INO80: variants seen among roughly 807,000 people sequenced by gnomAD.
The protein encoded by INO80 is chromatin-remodeling ATPase INO80.
A neutral mutation model predicts 203.4 loss-of-function variants in INO80; 20 were observed. The ratio of observed to expected loss-of-function variants is 0.10; its 90% confidence interval spans 0.07 to 0.14. The LOEUF (loss-of-function observed/expected upper bound fraction) is 0.14, where lower values mean the gene tolerates loss of function less well. Among genes scored for constraint, INO80 ranks in the 10% least tolerant of loss-of-function variants. The pLI, the probability that INO80 is intolerant of heterozygous loss-of-function variation, is 1.00. For synonymous variants in INO80, 726 were observed against 685.2 expected (o/e 1.06, Z -0.93); for missense variants, 1,419 against 1,914.4 (o/e 0.74, Z 4.83).
intron 29 of INO80, among the ~76,000 whole-genome samples, chr15:40,995,815 G>A (rs1349451766): frequency 6.6e-6 from 1 of 152,148 alleles, no homozygotes; most frequent in Non-Finnish European, 1.5e-5. Flanking sequence ...ATGTGATATG[G>A]CTCAAGTGAG....
At chr15:41,051,941 G>C (rs1440782524) in intron 19 of INO80, among the ~76,000 whole-genome samples, 1 of 152,026 alleles carries the variant, frequency 6.6e-6, no homozygotes, top group African/African-American at 2.4e-5. Context: ...CTGGTCGACA[G>C]AGCAAGACTC....
At chr15:41,090,187 T>C (rs1452923116) in intron 5 of INO80, among the ~76,000 whole-genome samples, 2 of 152,170 alleles carry the variant, frequency 1.3e-5, no homozygotes, top group African/African-American at 4.8e-5. Flanking sequence ...TAATCAATCT[T>C]GAAAATATGA....
chr15:41,090,437 C>T lies in INO80; in HGVS notation c.537+1590G>A, dbSNP rs555357719. Among the ~76,000 whole-genome samples the T allele has an allele frequency of 1.8e-4, 28 of 152,064 alleles. 1 individual carries two copies. The highest frequency in any genetic ancestry group is 3.4e-3 in the Middle Eastern group (1 of 294). Reference sequence around the variant, plus strand: ...CTAAAAACGCAAAAAAAAAGCCGGGCGTGGTGGCACACGCCTGTAATCTCA... The same window carrying T: ...CTAAAAACGCAAAAAAAAAGCCGGGTGTGGTGGCACACGCCTGTAATCTCA... On this transcript the variant is annotated intron_variant, in intron 5 of 35. Transcript: ENST00000648947.
chr15:41,050,185 A>C, intron 19 of INO80, 83 bp from the exon 20 acceptor site: 1 of 863,720 alleles, frequency 1.2e-6, no homozygotes, highest in Non-Finnish European at 1.8e-6. Flanking sequence ...AAACACACAC[A>C]AACCATATTA....
chr15:40,984,527 T>TG, intron 32 of INO80, among the ~76,000 whole-genome samples, 175 bp from the exon 33 acceptor site: 1 of 152,170 alleles, frequency 6.6e-6, no homozygotes, highest in East Asian at 1.9e-4. Context: ...TAACAGGAGT[T>TG]TGTGTGTATT....
At chr15:41,014,821 C>A (rs1176345570) in intron 27 of INO80, among the ~76,000 whole-genome samples, 2 of 152,150 alleles carry the variant, frequency 1.3e-5, no homozygotes, top group Non-Finnish European at 2.9e-5. Context: ...AGCCTGAAAA[C>A]CCTCCTTAAT....
chr15:41,066,522 T>A (rs7181816), intron 14 of INO80, among the ~76,000 whole-genome samples: 63,508 of 151,338 alleles, frequency 0.42, 13,543 homozygotes, highest in Middle Eastern at 0.5. Flanking sequence ...AAAAATATAT[T>A]GGGGCACTAG....
At chr15:41,062,289 T>TC (rs1566934160) in intron 14 of INO80, among the ~76,000 whole-genome samples, 1 of 152,030 alleles carries the variant, frequency 6.6e-6, no homozygotes, top group African/African-American at 2.4e-5. Context: ...GGCAAGTTTT[T>TC]CCCCCAGATT....
chr15:41,006,727 G>A (rs1167325289), intron 27 of INO80, among the ~76,000 whole-genome samples: 1 of 152,212 alleles, frequency 6.6e-6, no homozygotes, highest in African/African-American at 2.4e-5. Context: ...GGGTACATGT[G>A]AAGCGAAGCT....
chr15:41,029,799 G>A (rs577036493), intron 24 of INO80, among the ~76,000 whole-genome samples: 1 of 152,336 alleles, frequency 6.6e-6, no homozygotes, highest in African/African-American at 2.4e-5. Context: ...GAGGAAAAAG[G>A]TAAAAAGATG....
intron 1 of INO80, among the ~76,000 whole-genome samples, chr15:41,112,767 A>T (rs2045974980): frequency 7.6e-6 from 1 of 131,044 alleles, no homozygotes; most frequent in Non-Finnish European, 1.6e-5. Context: ...CAGCCTGGCG[A>T]CAGGGCAAGA....
intron 7 of INO80, among the ~76,000 whole-genome samples, chr15:41,084,542 G>C (rs991010432): frequency 3.3e-5 from 5 of 152,112 alleles, no homozygotes; most frequent in African/African-American, 1.2e-4. Context: ...CCAGGCGACA[G>C]AGCAAGACTC....
chr15:41,004,227 T>C (rs1596250305), intron 28 of INO80, among the ~76,000 whole-genome samples: 1 of 152,216 alleles, frequency 6.6e-6, no homozygotes, highest in Non-Finnish European at 1.5e-5. Flanking sequence ...CTTCTCCTTA[T>C]TGTTGGTCAA....
chr15:40,994,052 G>T (rs769292605), intron 29 of INO80, among the ~76,000 whole-genome samples: 1 of 152,102 alleles, frequency 6.6e-6, no homozygotes, highest in Non-Finnish European at 1.5e-5. Context: ...TATATGATCT[G>T]CTTCTGCAAT....
chr15:41,084,950 T>A (rs544504315), intron 7 of INO80, among the ~76,000 whole-genome samples: 1 of 152,314 alleles, frequency 6.6e-6, no homozygotes, highest in East Asian at 1.9e-4. Context: ...CTGTCCAGAC[T>A]GGTCTCAAAC....
At chr15:40,991,012 G>A (rs906568030) in intron 29 of INO80, among the ~76,000 whole-genome samples, 1 of 152,194 alleles carries the variant, frequency 6.6e-6, no homozygotes, top group Non-Finnish European at 1.5e-5. Context: ...ATGTGGGGAT[G>A]TGGGTGGTGG....
intron 5 of INO80, among the ~76,000 whole-genome samples, chr15:41,090,709 A>G (rs1377038468): frequency 6.6e-6 from 1 of 152,106 alleles, no homozygotes. Flanking sequence ...GGCAGTAATG[A>G]TAGTAACACA....
intron 29 of INO80, among the ~76,000 whole-genome samples, chr15:40,995,013 A>G (rs561572039): frequency 1.3e-5 from 2 of 152,106 alleles, no homozygotes; most frequent in Non-Finnish European, 2.9e-5. Flanking sequence ...GCGCCAGCAC[A>G]TACGGCTAAT....
Position 40,980,124 on chromosome 15 carries a change from A to G in INO80, c.*99T>C. 1.1e-6 allele frequency: 1 copy of G among 932,010 alleles called. No individual in the cohort carries two copies. Among genetic ancestry groups the G allele is most frequent in the South Asian group, 1.4e-5 (1 of 71,094 alleles). 57.7% of individuals were successfully genotyped at this position (932,010 alleles called of 1,614,324 possible). ...TGCTGGACATTTCCACTTCTGACTC[A>G]GGATGCAAGATGCTGCACGGGGCAA... On this transcript the variant is annotated 3_prime_UTR_variant, in exon 36 of 36. Coordinates refer to ENST00000648947, the MANE Select transcript of INO80 (RefSeq NM_017553.3).
Sources: allele counts gnomAD v4.1 joint callset (sites outside exome capture counted in the v4.1 genomes callset), GRCh38; gene constraint gnomAD v4.1.1; transcripts MANE v1.5; gene names NCBI Gene and HGNC (gene_info 2026-07-23, HGNC 2026-07-21).